TSNARE1: variants seen among roughly 807,000 people sequenced by gnomAD.
The protein encoded by TSNARE1 is t-SNARE domain-containing protein 1.
In TSNARE1, 49 loss-of-function variants were observed where a neutral mutation model predicts 62.0. The observed-to-expected ratio is 0.79, with a 90% confidence interval of 0.63 to 1.00. The LOEUF (loss-of-function observed/expected upper bound fraction) is 1.00, where lower values mean the gene tolerates loss of function less well. TSNARE1 is among the 50% of genes least tolerant of loss of function. The pLI, the probability that TSNARE1 is intolerant of heterozygous loss-of-function variation, is 0.00. For synonymous variants in TSNARE1, 328 were observed against 294.4 expected (o/e 1.11, Z -1.17); for missense variants, 755 against 700.1 (o/e 1.08, Z -0.88).
At chr8:142,360,399 C>G (rs1250519964) in intron 1 of TSNARE1, among the ~76,000 whole-genome samples, 10 of 152,130 alleles carry the variant, frequency 6.6e-5, no homozygotes. Flanking sequence ...TTCGCAGCCC[C>G]GCTGAGCGGA....
At chr8:142,331,948 G>A (rs927156376) in intron 4 of TSNARE1, 117 bp from the exon 5 acceptor site, 23 of 996,474 alleles carry the variant, frequency 2.3e-5, no homozygotes, top group Non-Finnish European at 3.5e-5. Context: ...CAGCAGAGTG[G>A]CCCTGAACCC....
chr8:142,283,968 C>A (rs1822233275), intron 11 of TSNARE1, among the ~76,000 whole-genome samples: 1 of 142,666 alleles, frequency 7.0e-6, no homozygotes, highest in Non-Finnish European at 1.6e-5. Context: ...GGGCCAGTGT[C>A]TGTCAAAGAG....
chr8:142,243,408 G>A (rs1199034485), intron 12 of TSNARE1, among the ~76,000 whole-genome samples: 6 of 152,014 alleles, frequency 3.9e-5, no homozygotes, highest in South Asian at 2.1e-4. Flanking sequence ...CAGGAAATAC[G>A]ATTCAGCTTC....
rs540233120 is a variant in TSNARE1, at chr8:142,277,191, AG to A, written c.1364-2329del. 5.3e-4 allele frequency: 518 copies of A among 985,314 alleles called. 2 individuals carry two copies. The African/African-American group carries it at 6.2e-3, about 12-fold the overall frequency. 61.0% of individuals were successfully genotyped at this position (985,314 alleles called of 1,614,324 possible). On this transcript the variant is annotated intron_variant, in intron 11 of 13. Transcript: ENST00000524325. ...CCTGGGCACCTGCTCCTCCCAACAC[AG>A]GGGGTGCTCCACGGGGGCCCCTTGC...
At chr8:142,395,409 G>C (rs1837826750) in intron 1 of TSNARE1, among the ~76,000 whole-genome samples, 2 of 152,066 alleles carry the variant, frequency 1.3e-5, no homozygotes, top group African/African-American at 4.8e-5. Context: ...TCACCAGTCG[G>C]GGCCACTCCA....
intron 10 of TSNARE1, among the ~76,000 whole-genome samples, chr8:142,290,174 G>C (rs1432313583): frequency 6.6e-6 from 1 of 152,198 alleles, no homozygotes; most frequent in Non-Finnish European, 1.5e-5. Flanking sequence ...CCCGTCCTCA[G>C]TCCTGGGGCG....
intron 1 of TSNARE1, among the ~76,000 whole-genome samples, chr8:142,373,231 C>A (rs920756110): frequency 6.6e-6 from 1 of 152,218 alleles, no homozygotes; most frequent in Non-Finnish European, 1.5e-5. Flanking sequence ...AGGAAGAAAA[C>A]CATCTGGTCT....
chr8:142,320,133 TC>T (rs1829261119), intron 6 of TSNARE1, among the ~76,000 whole-genome samples: 2 of 152,070 alleles, frequency 1.3e-5, no homozygotes, highest in South Asian at 4.1e-4. Flanking sequence ...CGGCCTCCCG[TC>T]CCCGGCCCAC....
intron 13 of TSNARE1, among the ~76,000 whole-genome samples, chr8:142,223,405 TTCAC>T (rs1433143772): frequency 1.2e-4 from 18 of 147,588 alleles, no homozygotes; most frequent in Non-Finnish European, 1.8e-4. Context: ...CATTCACTCG[TTCAC>T]TCACTCACTC....
chr8:142,278,164 T>C, intron 11 of TSNARE1: 4 of 984,976 alleles, frequency 4.1e-6, no homozygotes, highest in Non-Finnish European at 4.8e-6. Context: ...CCCAGGCCCA[T>C]CGCCCAAGGC....
At chr8:142,285,175 G>A (rs1056370748) in intron 10 of TSNARE1, among the ~76,000 whole-genome samples, 1 of 151,938 alleles carries the variant, frequency 6.6e-6, no homozygotes, top group Non-Finnish European at 1.5e-5. Context: ...GTGAGTGGAT[G>A]GATGGGTGGG....
intron 1 of TSNARE1, among the ~76,000 whole-genome samples, chr8:142,384,630 C>T (rs1490664037): frequency 6.6e-6 from 1 of 152,120 alleles, no homozygotes; most frequent in African/African-American, 2.4e-5. Flanking sequence ...TAGCCCCACG[C>T]AAAAGAATGA....
At chr8:142,217,631 G>A (rs1422071970) in intron 13 of TSNARE1, among the ~76,000 whole-genome samples, 2 of 152,250 alleles carry the variant, frequency 1.3e-5, no homozygotes, top group Non-Finnish European at 2.9e-5. Context: ...GAAACAGTGT[G>A]CATGCACCAT....
intron 2 of TSNARE1, among the ~76,000 whole-genome samples, chr8:142,348,471 C>T (rs1268629863): frequency 2.7e-5 from 4 of 150,586 alleles, no homozygotes; most frequent in African/African-American, 4.9e-5. Flanking sequence ...CACTCCCGGC[C>T]GCCCCAAGCT....
rs893676676 is a variant in TSNARE1, at chr8:142,274,040, T to G, written c.1446+741A>C. Reference sequence around the variant, plus strand: ...CCTGGCCCCAGCTGGCCCAGGGGCTTCTTCTGCGCTCCCACCGTGGCCCAT... The same window carrying G: ...CCTGGCCCCAGCTGGCCCAGGGGCTGCTTCTGCGCTCCCACCGTGGCCCAT... On this transcript the variant is annotated intron_variant, in intron 12 of 13. Transcript: ENST00000524325. 11 of 985,096 alleles carry G rather than the reference T, an allele frequency of 1.1e-5. No homozygotes were observed. In the African/African-American group the frequency reaches 1.6e-4, roughly 14 times the overall value. The allele number at this position is 985,096 out of a possible 1,614,324, so 61.0% of individuals were successfully genotyped here.
intron 2 of TSNARE1, among the ~76,000 whole-genome samples, chr8:142,346,941 C>T (rs569139835): frequency 2.0e-5 from 3 of 152,242 alleles, no homozygotes; most frequent in South Asian, 2.1e-4. Flanking sequence ...CGGACCCCCA[C>T]GAGGTGGGCG....
intron 12 of TSNARE1, among the ~76,000 whole-genome samples, chr8:142,269,039 T>C (rs188304546): frequency 6.6e-6 from 1 of 152,400 alleles, no homozygotes; most frequent in East Asian, 1.9e-4. Context: ...ACGTTTTCTG[T>C]AGCACACGCT....
At chr8:142,345,963 C>CATTTTTTAATGAT in intron 2 of TSNARE1, 71 bp from the exon 3 acceptor site, 1 of 1,547,232 alleles carries the variant, frequency 6.5e-7, no homozygotes, top group Non-Finnish European at 8.8e-7. Context: ...GGCCCCCATG[C>CATTTTTTAATGAT]ACGGACAGCA....
At chr8:142,239,255 C>T (rs938037807) in intron 12 of TSNARE1, among the ~76,000 whole-genome samples, 12 of 152,220 alleles carry the variant, frequency 7.9e-5, no homozygotes, top group Admixed American at 7.9e-4. Flanking sequence ...CCAGAGCAGA[C>T]ACCCCTCCTT....
Sources: allele counts gnomAD v4.1 joint callset (sites outside exome capture counted in the v4.1 genomes callset), GRCh38; gene constraint gnomAD v4.1.1; transcripts MANE v1.5; gene names NCBI Gene and HGNC (gene_info 2026-07-23, HGNC 2026-07-21).